The following MXI1 variants were observed in gnomAD, a reference collection of about 807,000 sequenced individuals.
The protein encoded by MXI1 is max-interacting protein 1.
In MXI1, 18 loss-of-function variants were observed where a neutral mutation model predicts 36.9. The ratio of observed to expected loss-of-function variants is 0.49; its 90% CI spans 0.34 to 0.72. MXI1 has a LOEUF of 0.72. Ranked by LOEUF, MXI1 falls within the 30% of genes least tolerant of loss-of-function variation. The pLI is 0.01. For synonymous variants in MXI1, 160 were observed against 146.7 expected (o/e 1.09, Z -0.65); for missense variants, 304 against 379.1 (o/e 0.80, Z 1.64).
At position 110,277,481 on chromosome 10, in the gene MXI1, C is replaced by CT. The variant is rs139759086; in HGVS notation, c.438-1698dup. 2.4e-3 allele frequency among the ~76,000 whole-genome samples: 372 copies of CT among 152,310 alleles called. 12 individuals carry two copies. In the East Asian group the frequency reaches 0.052, roughly 21 times the overall value. ...TTTTTTGGTCTGCTGAGCAAGAGCA[C>CT]TGTGGTCACATGAGAATCCTCACCT... On this transcript the variant is annotated intron_variant, in intron 3 of 5. Coordinates refer to ENST00000332674, the MANE Select transcript of MXI1 (RefSeq NM_130439.3).
chr10:110,216,888 G>A (rs1486227107), intron 1 of MXI1, among the ~76,000 whole-genome samples: 1 of 151,554 alleles, frequency 6.6e-6, no homozygotes, highest in Non-Finnish European at 1.5e-5. Flanking sequence ...GGCTGGTCTC[G>A]AACTCCTGGG....
rs369310942 is a variant in MXI1, at chr10:110,280,596, C to T, written c.724+511C>T. Among the ~76,000 whole-genome samples, 785 of 151,400 alleles carry T rather than the reference C, an allele frequency of 5.2e-3. 5 individuals are homozygous for T. The highest frequency in any genetic ancestry group is 0.023 in the South Asian group (108 of 4,796). On this transcript the variant is annotated intron_variant, in intron 5 of 5. Transcript: ENST00000332674. ...TCGGGAGGCTGAGGCAGGAGAATGG[C>T]GTGAACCCGGGAGGCGGAGCTTGCA...
chr10:110,225,896 G>A, intron 1 of MXI1: 1 of 581,036 alleles, frequency 1.7e-6, no homozygotes, highest in South Asian at 7.4e-5. Context: ...GCAGCCGCGG[G>A]CGGGTGCGGG....
At chr10:110,275,426 G>T (rs764265467) in intron 3 of MXI1, among the ~76,000 whole-genome samples, 2 of 152,172 alleles carry the variant, frequency 1.3e-5, no homozygotes, top group African/African-American at 2.4e-5. Context: ...AAAGGGTGGA[G>T]AGCAGCATCA....
chr10:110,236,509 G>A (rs753682997), intron 2 of MXI1, among the ~76,000 whole-genome samples: 3 of 152,032 alleles, frequency 2.0e-5, no homozygotes, highest in Admixed American at 6.6e-5. Context: ...AGGCTGGAGT[G>A]CAGTGGCATG....
chr10:110,222,914 G>C (rs935669753), intron 1 of MXI1, among the ~76,000 whole-genome samples: 1 of 152,242 alleles, frequency 6.6e-6, no homozygotes, highest in Non-Finnish European at 1.5e-5. Context: ...CCAGGAGGCA[G>C]CCAGCGCAGG....
At chr10:110,211,512 C>T (rs1300959407) in intron 1 of MXI1, among the ~76,000 whole-genome samples, 1 of 152,216 alleles carries the variant, frequency 6.6e-6, no homozygotes, top group Non-Finnish European at 1.5e-5. Context: ...CATGGTGGAC[C>T]CTGGTCACGA....
At chr10:110,230,907 G>C (rs114694938) in intron 2 of MXI1, among the ~76,000 whole-genome samples, 2 of 152,174 alleles carry the variant, frequency 1.3e-5, no homozygotes, top group Admixed American at 6.5e-5. Context: ...TGATCAAAAA[G>C]CTACTAGTGT....
At position 110,208,050 on chromosome 10, in the gene MXI1, G is replaced by A. The variant is rs1411734435; in HGVS notation, c.242G>A (p.Ser81Asn). 2 of 1,601,188 alleles carry A rather than the reference G, an allele frequency of 1.2e-6. No individual in the cohort carries two copies. The highest frequency in any genetic ancestry group is 1.7e-6 in the Non-Finnish European group (2 of 1,173,880). The change falls in exon 1 of 6, where the codon AGC becomes AAC. Residue 81 changes from serine to asparagine, a missense_variant. By Grantham distance (46) the Ser-to-Asn change is conservative. Transcript: ENST00000332674. ...QNVQILLEAA[S>N]YLEQIEKENK... ...GTGCAGATTCTGCTCGAGGCCGCCA[G>A]CTACCTGGAGCAGATCGAGAAAGAA... is the stretch of plus-strand genomic sequence containing the variant.
rs1178582854 is a variant in MXI1 at position 110,228,208 on chromosome 10, C to G, written c.294C>G (p.Ala98=). Reference sequence around the variant, plus strand: ...CTTCAGAGTGTGAACATGGCTACGCCTCTTCATTCCCGTCCATGCCGAGCC... The same window carrying G: ...CTTCAGAGTGTGAACATGGCTACGCGTCTTCATTCCCGTCCATGCCGAGCC... ...KENKKCEHGY[A]SSFPSMPSPR... is the part of the protein sequence containing the mutation. The change falls in exon 2 of 6, where the codon GCC becomes GCG. Residue 98 remains alanine (A), a synonymous_variant. Coordinates refer to ENST00000332674, the MANE Select transcript of MXI1 (RefSeq NM_130439.3). 6.2e-7 allele frequency: 1 copy of G among 1,614,096 alleles called. No individual in the cohort carries two copies. The highest frequency in any genetic ancestry group is 1.6e-4 in the Middle Eastern group (1 of 6,062).
At chr10:110,216,202 G>A (rs1239199243) in intron 1 of MXI1, among the ~76,000 whole-genome samples, 2 of 152,160 alleles carry the variant, frequency 1.3e-5, no homozygotes, top group Non-Finnish European at 2.9e-5. Flanking sequence ...ACGCTCCAGG[G>A]AATATATGTA....
At chr10:110,210,648 T>TC (rs1259099450) in intron 1 of MXI1, among the ~76,000 whole-genome samples, 6 of 151,890 alleles carry the variant, frequency 4.0e-5, no homozygotes, top group Non-Finnish European at 1.5e-5. Context: ...CCCCCTCTCC[T>TC]CCCCTCCTCC....
At chr10:110,240,733 T>C (rs1209130553) in intron 2 of MXI1, among the ~76,000 whole-genome samples, 1 of 152,028 alleles carries the variant, frequency 6.6e-6, no homozygotes, top group Non-Finnish European at 1.5e-5. Flanking sequence ...ATTGTAAGCT[T>C]TAGGATACCA....
chr10:110,227,323 C>T (rs1355573547), intron 1 of MXI1: 12 of 960,188 alleles, frequency 1.2e-5, no homozygotes, highest in Admixed American at 7.2e-5. Context: ...GGGAGGGGCG[C>T]GCGTGCGTGG....
chr10:110,273,912 G>T (rs1200053767), intron 3 of MXI1, among the ~76,000 whole-genome samples: 1 of 152,152 alleles, frequency 6.6e-6, no homozygotes, highest in Admixed American at 6.5e-5. Flanking sequence ...TTGGACAGGG[G>T]TATTAGAGTT....
intron 5 of MXI1, among the ~76,000 whole-genome samples, chr10:110,282,833 AT>A (rs1297239004): frequency 2.6e-5 from 4 of 151,950 alleles, no homozygotes; most frequent in Non-Finnish European, 4.4e-5. Context: ...TTTTTAAAAA[AT>A]TTTTTTAAAC....
intron 1 of MXI1, among the ~76,000 whole-genome samples, chr10:110,224,270 C>T (rs553262075): frequency 1.3e-5 from 2 of 152,296 alleles, no homozygotes; most frequent in South Asian, 2.1e-4. Flanking sequence ...TATGTTTGCA[C>T]GGTTCCCAGC....
chr10:110,248,958 A>C (rs1381359681), intron 3 of MXI1, among the ~76,000 whole-genome samples: 1 of 152,120 alleles, frequency 6.6e-6, no homozygotes, highest in Non-Finnish European at 1.5e-5. Context: ...TAGACTTAGG[A>C]TAGGGGAGGT....
chr10:110,244,275 TATTA>T (rs1203090275), intron 2 of MXI1, among the ~76,000 whole-genome samples: 1 of 152,042 alleles, frequency 6.6e-6, no homozygotes, highest in Non-Finnish European at 1.5e-5. Flanking sequence ...TTTTTCTTTA[TATTA>T]ATTTTCTTTC....
Sources: allele counts gnomAD v4.1 joint callset (sites outside exome capture counted in the v4.1 genomes callset), GRCh38; gene constraint gnomAD v4.1.1; transcripts MANE v1.5; gene names NCBI Gene and HGNC (gene_info 2026-07-23, HGNC 2026-07-21).